The following SEZ6L variants were observed in gnomAD, a reference collection of about 807,000 sequenced individuals.
SEZ6L encodes seizure related 6 homolog like.
Under a neutral mutation model 106.2 loss-of-function variants are expected in SEZ6L, and 37 were observed. That is an observed-to-expected ratio of 0.35 (90% CI 0.27 to 0.46). The LOEUF is 0.46. SEZ6L is among the 20% of genes least tolerant of loss of function. The pLI is 1.00. For missense variants in SEZ6L, 1,172 were observed against 1,332.8 expected (o/e 0.88, Z 1.88); for synonymous variants, 541 against 570.4 (o/e 0.95, Z 0.73).
chr22:26,179,163 AG>A (rs1438337395), intron 1 of SEZ6L, among the ~76,000 whole-genome samples: 3 of 152,180 alleles, frequency 2.0e-5, no homozygotes, highest in African/African-American at 7.2e-5. Flanking sequence ...CTGAGGCAGG[AG>A]GATCACTTGA....
chr22:26,211,713 T>C (rs895748025), intron 1 of SEZ6L, among the ~76,000 whole-genome samples: 3 of 139,000 alleles, frequency 2.2e-5, no homozygotes, highest in Non-Finnish European at 4.5e-5. Context: ...CTCACACCTG[T>C]AATCCCAGCT....
chr22:26,250,285 A>G (rs1399234945), intron 1 of SEZ6L, among the ~76,000 whole-genome samples: 1 of 152,052 alleles, frequency 6.6e-6, no homozygotes, highest in Non-Finnish European at 1.5e-5. Context: ...CATCTAGTAG[A>G]TTCATAGTTT....
intron 13 of SEZ6L, among the ~76,000 whole-genome samples, chr22:26,369,434 C>G (rs956957654): frequency 2.7e-5 from 4 of 146,444 alleles, no homozygotes; most frequent in Admixed American, 7.0e-5. Flanking sequence ...CCGCCTCCCG[C>G]ATTCACGCCA....
intron 1 of SEZ6L, among the ~76,000 whole-genome samples, chr22:26,246,817 T>A (rs966425313): frequency 6.6e-6 from 1 of 152,218 alleles, no homozygotes; most frequent in African/African-American, 2.4e-5. Flanking sequence ...GAGCTATTAA[T>A]AACCCCCTTC....
At chr22:26,245,276 C>T (rs2079295947) in intron 1 of SEZ6L, among the ~76,000 whole-genome samples, 1 of 152,120 alleles carries the variant, frequency 6.6e-6, no homozygotes, top group African/African-American at 2.4e-5. Context: ...GACCTTGAAG[C>T]CAGCATCCCC....
intron 1 of SEZ6L, among the ~76,000 whole-genome samples, chr22:26,287,343 T>C (rs1437588528): frequency 6.6e-6 from 1 of 152,186 alleles, no homozygotes; most frequent in Non-Finnish European, 1.5e-5. Flanking sequence ...AATCTTAGAA[T>C]GTTCACTCTC....
intron 15 of SEZ6L, among the ~76,000 whole-genome samples, chr22:26,377,115 C>T (rs554650378): frequency 4.0e-5 from 6 of 151,572 alleles, no homozygotes; most frequent in African/African-American, 1.2e-4. Context: ...AGTGAGAGCT[C>T]GCCTCTTAAA....
At chr22:26,260,932 G>A (rs1448224468) in intron 1 of SEZ6L, among the ~76,000 whole-genome samples, 2 of 152,128 alleles carry the variant, frequency 1.3e-5, no homozygotes, top group Admixed American at 1.3e-4. Context: ...ATTCTTGCAG[G>A]AGTAAGATGG....
At chr22:26,322,130 A>G (rs964087149) in intron 9 of SEZ6L, among the ~76,000 whole-genome samples, 2 of 152,252 alleles carry the variant, frequency 1.3e-5, no homozygotes, top group Non-Finnish European at 2.9e-5. Flanking sequence ...GAGATAATGT[A>G]TGCCAAGCAC....
chr22:26,340,696 C>T lies in SEZ6L; in HGVS notation c.2212+64C>T. On this transcript the variant is annotated intron_variant, in intron 10 of 16. Transcript: ENST00000248933. ...TTTAGATACAGGTTAAGGTGGTTTC[C>T]TCTAGGTTATTTGGCAGTTTTGTAC... 3 of 1,398,474 alleles carry T rather than the reference C, an allele frequency of 2.1e-6. No homozygotes were observed. The East Asian group carries it at 7.0e-5, about 32-fold the overall frequency. 86.6% of individuals were successfully genotyped at this position (1,398,474 alleles called of 1,614,324 possible).
At chr22:26,223,790 A>G (rs2078555462) in intron 1 of SEZ6L, among the ~76,000 whole-genome samples, 1 of 152,182 alleles carries the variant, frequency 6.6e-6, no homozygotes, top group South Asian at 2.1e-4. Flanking sequence ...TATTATCATC[A>G]TGGTCATTGT....
intron 9 of SEZ6L, among the ~76,000 whole-genome samples, chr22:26,326,634 C>T (rs1019320774): frequency 1.3e-5 from 2 of 152,208 alleles, no homozygotes; most frequent in Non-Finnish European, 2.9e-5. Flanking sequence ...GTGCCAGCCT[C>T]ACACCCCTCA....
At chr22:26,304,427 A>AGAAG (rs1491424755) in intron 5 of SEZ6L, among the ~76,000 whole-genome samples, 1 of 151,446 alleles carries the variant, frequency 6.6e-6, no homozygotes, top group African/African-American at 2.4e-5. Context: ...AAAGAAAGAA[A>AGAAG]GAAAAAGAAA....
chr22:26,247,152 A>G (rs984222357), intron 1 of SEZ6L, among the ~76,000 whole-genome samples: 1 of 152,204 alleles, frequency 6.6e-6, no homozygotes, highest in African/African-American at 2.4e-5. Context: ...CACCAGGCAC[A>G]CTTAAGATTC....
At chr22:26,277,521 T>C (rs945187295) in intron 1 of SEZ6L, among the ~76,000 whole-genome samples, 2 of 152,234 alleles carry the variant, frequency 1.3e-5, no homozygotes, top group African/African-American at 4.8e-5. Context: ...AAGCAAACCA[T>C]GCGAGTTATG....
intron 9 of SEZ6L, among the ~76,000 whole-genome samples, chr22:26,336,437 G>A (rs1473950792): frequency 6.6e-6 from 1 of 152,112 alleles, no homozygotes; most frequent in Non-Finnish European, 1.5e-5. Context: ...TGCCTAGGAT[G>A]GCCTCCCAGA....
At chr22:26,351,353 G>T (rs2083272265) in intron 12 of SEZ6L, 110 bp downstream of exon 12, 3 of 884,964 alleles carry the variant, frequency 3.4e-6, no homozygotes, top group Non-Finnish European at 5.2e-6. Context: ...TTCGACAGGG[G>T]CTTTTATTAT....
In SEZ6L at chr22:26,299,013, C is replaced by T. The variant is rs1422152907; in HGVS notation, c.1192C>T (p.Arg398Trp). The change falls in exon 5 of 17, where the codon CGG becomes TGG. Residue 398 changes from arginine (R) to tryptophan (W), a missense_variant. Arg to Trp is a moderately radical substitution (Grantham distance 101). Around this residue, in one of 4 missense-constraint regions of SEZ6L, gnomAD observed 534 missense variants for 691.0 expected, o/e 0.77. Transcript: ENST00000248933. Reference sequence around the variant, plus strand: ...CATGCTGAGCTGCAACTTTCCCCGCCGGCCTGACTCTGGGGATGTCACGGT... The same window carrying T: ...CATGCTGAGCTGCAACTTTCCCCGCTGGCCTGACTCTGGGGATGTCACGGT... ...AFMLSCNFPR[R>W]PDSGDVTVMD... 4.4e-6 allele frequency: 7 copies of T among 1,590,884 alleles called. No individual in the cohort carries two copies. Among genetic ancestry groups the T allele is most frequent in the Non-Finnish European group, 5.1e-6 (6 of 1,169,000 alleles).
At chr22:26,294,954 TCTTTCTTGCTTG>T (rs1569450190) in intron 3 of SEZ6L, among the ~76,000 whole-genome samples, 32 of 148,562 alleles carry the variant, frequency 2.2e-4, no homozygotes, top group African/African-American at 8.3e-4. Context: ...TTTCTTTCTT[TCTTTCTTGCTTG>T]CTTGCTTGCT....
Sources: gnomAD v4.1 joint callset for allele counts (sites outside exome capture counted in the v4.1 genomes callset) on GRCh38, gnomAD v4.1.1 for gene constraint, gnomAD v4.1.1 regional missense constraint, MANE v1.5 for transcripts, NCBI Gene and HGNC (gene_info 2026-07-23, HGNC 2026-07-21) for gene names.